Variants in TAF2 observed in about 807,000 individuals in gnomAD.
TAF2 encodes the protein transcription initiation factor TFIID subunit 2.
A neutral mutation model predicts 138.5 loss-of-function variants in TAF2; 61 were observed. The observed-to-expected ratio is 0.44, with a 90% CI of 0.36 to 0.54. The LOEUF (loss-of-function observed/expected upper bound fraction) is 0.54. TAF2 is among the 20% of genes least tolerant of loss of function. The probability of loss-of-function intolerance (pLI) is 0.00; values close to 1 mark genes in which losing one functional copy is unlikely to be tolerated. For synonymous variants in TAF2, 475 were observed against 469.9 expected (o/e 1.01, Z -0.14); for missense variants, 1,090 against 1,427.9 (o/e 0.76, Z 3.81).
Position 119,742,804 on chromosome 8 carries a change from G to A in TAF2, c.3215-148C>T, listed in dbSNP as rs1250957653. ...TCTAACAATTGAAAGAATACTAGCT[G>A]GGTGGAGTGGCTCACATCTTTAATC... On this transcript the variant is annotated intron_variant, in intron 24 of 25. Coordinates refer to ENST00000378164, the MANE Select transcript of TAF2 (RefSeq NM_003184.4). The A allele has an allele frequency of 6.1e-6, 7 of 1,142,728 alleles. No homozygotes were observed. The East Asian group carries it at 1.9e-4, about 30-fold the overall frequency. The allele number at this position is 1,142,728 out of a possible 1,614,324, so 70.8% of individuals were successfully genotyped here.
chr8:119,793,415 C>A lies in TAF2; in HGVS notation c.1228G>T (p.Gly410Cys), dbSNP rs1823581775. The change falls in exon 10 of 26, where the codon GGT (glycine) becomes TGT (cysteine). Residue 410 changes from glycine to cysteine, a missense_variant. Physicochemically the swap from Gly to Cys is radical, Grantham distance 159. Around this residue, in one of 3 missense-constraint regions of TAF2, gnomAD observed 504 missense variants for 680.9 expected, o/e 0.74. Transcript: ENST00000378164. ...AATATGGGATGTAGTAAAACCCCACCAGTTTTTAGTTCATATGCCACTATT... is the reference window on the plus strand; with the variant it reads ...AATATGGGATGTAGTAAAACCCCACAAGTTTTTAGTTCATATGCCACTATT... ...DKIVAYELKT[G>C]GVLLHPIFGG... 6.2e-7 allele frequency: 1 copy of A among 1,612,966 alleles called. No homozygotes were observed. The highest frequency in any genetic ancestry group is 8.5e-7 in the Non-Finnish European group (1 of 1,179,348).
chr8:119,806,488 T>C, intron 3 of TAF2, 87 bp from the exon 4 acceptor site: 1 of 940,698 alleles, frequency 1.1e-6, no homozygotes, highest in Non-Finnish European at 1.6e-6. Flanking sequence ...TTTTTTTTTT[T>C]AGATGAAGTC....
At chr8:119,820,556 T>G (rs899189712) in intron 2 of TAF2, among the ~76,000 whole-genome samples, 1 of 151,642 alleles carries the variant, frequency 6.6e-6, no homozygotes, top group Admixed American at 6.7e-5. Context: ...ACAGATAAGA[T>G]AAGAAAGGCA....
chr8:119,830,610 T>C (rs1826384784), intron 2 of TAF2, among the ~76,000 whole-genome samples: 1 of 152,180 alleles, frequency 6.6e-6, no homozygotes, highest in Non-Finnish European at 1.5e-5. Flanking sequence ...ATAAATCTTT[T>C]AGGAACATTA....
At chr8:119,762,816 T>C (rs1237755812) in intron 18 of TAF2, 1 of 439,366 alleles carries the variant, frequency 2.3e-6, no homozygotes, top group Non-Finnish European at 4.0e-6. Flanking sequence ...ATTAGTTTAC[T>C]GATGGAAAAC....
chr8:119,767,177 G>A (rs551302893), intron 18 of TAF2: 4 of 152,104 alleles, frequency 2.6e-5, no homozygotes, highest in Non-Finnish European at 5.9e-5. Context: ...TAAAAATATA[G>A]ATTAATATAT....
In TAF2 at chr8:119,805,932, T is replaced by C. The variant is rs531254537; in HGVS notation, c.418+351A>G. 5.3e-5 allele frequency among the ~76,000 whole-genome samples: 8 copies of C among 151,290 alleles called. No homozygotes were observed. The South Asian group carries it at 1.7e-3, about 32-fold the overall frequency. On this transcript the variant is annotated intron_variant, in intron 4 of 25. Transcript: ENST00000378164. ...TTCTTTTTTTTTTTTTAAGACGGAGTCTCACTCTGTTGCACAGGTTGGAGT... is the reference window on the plus strand; with the variant it reads ...TTCTTTTTTTTTTTTTAAGACGGAGCCTCACTCTGTTGCACAGGTTGGAGT...
At chr8:119,760,561 T>C in intron 20 of TAF2, 38 bp downstream of exon 20, 1 of 1,606,922 alleles carries the variant, frequency 6.2e-7, no homozygotes, top group Non-Finnish European at 8.5e-7. Flanking sequence ...AAATAGTTCT[T>C]TCTAAAATGA....
At chr8:119,773,393 G>T (rs1362951625) in intron 18 of TAF2, among the ~76,000 whole-genome samples, 4 of 151,386 alleles carry the variant, frequency 2.6e-5, no homozygotes, top group Non-Finnish European at 5.9e-5. Context: ...ATTTCTTCAA[G>T]GCTACAATTA....
rs779710223 is a variant in TAF2, at chr8:119,777,987, T to C, written c.2364+32A>G. On this transcript the variant is annotated intron_variant, in intron 18 of 25. Transcript: ENST00000378164. ...TTAAGAAAATTATCTAAGACAACTG[T>C]TGTAGAAGATTTAAAAATAAAAGTA... 11 of 1,153,410 alleles carry C rather than the reference T, an allele frequency of 9.5e-6. No homozygotes were observed. In the East Asian group the frequency reaches 1.7e-4, roughly 17 times the overall value. 71.4% of individuals were successfully genotyped at this position (1,153,410 alleles called of 1,614,324 possible).
intron 25 of TAF2, 34 bp from the exon 26 acceptor site, chr8:119,732,220 C>T (rs777815304): frequency 1.3e-6 from 2 of 1,598,918 alleles, no homozygotes; most frequent in South Asian, 1.1e-5. Context: ...TGAATTCCTG[C>T]TGATGATACG....
At chr8:119,756,920 A>G (rs1820738718) in intron 21 of TAF2, among the ~76,000 whole-genome samples, 1 of 152,202 alleles carries the variant, frequency 6.6e-6, no homozygotes, top group African/African-American at 2.4e-5. Context: ...CTAGCATTTA[A>G]CCAGCTCTAG....
intron 2 of TAF2, among the ~76,000 whole-genome samples, chr8:119,822,667 C>T (rs945865544): frequency 6.6e-6 from 1 of 152,182 alleles, no homozygotes; most frequent in Non-Finnish European, 1.5e-5. Context: ...GAATCAAGAT[C>T]ACACTCTGAA....
intron 25 of TAF2, among the ~76,000 whole-genome samples, chr8:119,739,787 C>A (rs975493390): frequency 6.7e-6 from 1 of 150,322 alleles, no homozygotes; most frequent in Non-Finnish European, 1.5e-5. Flanking sequence ...AGAGATCACA[C>A]GCCTTACTAA....
chr8:119,780,976 A>G lies in TAF2; in HGVS notation c.2253+77T>C. 5 of 1,382,034 alleles carry G rather than the reference A, an allele frequency of 3.6e-6. No individual in the cohort carries two copies. In the South Asian group the frequency reaches 6.6e-5, roughly 18 times the overall value. 85.6% of individuals were successfully genotyped at this position (1,382,034 alleles called of 1,614,324 possible). The stretch of plus-strand genomic sequence containing the variant: ...AAGAATGGAGGCAAAGAAAGTAAAC[A>G]CATCTATTATTTGAACAGTCTCCAA... On this transcript the variant is annotated intron_variant, in intron 17 of 25. Transcript: ENST00000378164.
At chr8:119,811,805 CA>C (rs771523182) in intron 3 of TAF2, among the ~76,000 whole-genome samples, 941 of 60,328 alleles carry the variant, frequency 0.016, 3 homozygotes, top group African/African-American at 0.052. Context: ...GACTCCGTCT[CA>C]AAAAAAAAAA....
intron 18 of TAF2, among the ~76,000 whole-genome samples, chr8:119,768,848 C>T (rs1230415142): frequency 6.6e-6 from 1 of 152,174 alleles, no homozygotes; most frequent in African/African-American, 2.4e-5. Context: ...GGAGTTCCAG[C>T]GTGAAACCAC....
chr8:119,773,975 T>C (rs993081064), intron 18 of TAF2, among the ~76,000 whole-genome samples: 1 of 151,662 alleles, frequency 6.6e-6, no homozygotes, highest in Non-Finnish European at 1.5e-5. Flanking sequence ...ATCGAGACCA[T>C]CCTGGCTAAC....
intron 18 of TAF2, among the ~76,000 whole-genome samples, chr8:119,776,347 C>CTTTTTTT (rs35600902): frequency 7.4e-6 from 1 of 134,556 alleles, no homozygotes; most frequent in Non-Finnish European, 1.6e-5. Context: ...CATGCCTGTG[C>CTTTTTTT]TTTTTTTTTT....
Sources: allele counts gnomAD v4.1 joint callset (sites outside exome capture counted in the v4.1 genomes callset), GRCh38; gene constraint gnomAD v4.1.1; regional missense constraint gnomAD v4.1.1; transcripts MANE v1.5; gene names NCBI Gene and HGNC (gene_info 2026-07-23, HGNC 2026-07-21).